Variants in MOSPD3 observed in about 807,000 individuals in gnomAD.
MOSPD3 encodes the protein motile sperm domain containing 3.
Under a neutral mutation model 23.3 loss-of-function variants are expected in MOSPD3, and 20 were observed. The observed-to-expected ratio is 0.86, with a 90% CI of 0.61 to 1.25. The LOEUF (loss-of-function observed/expected upper bound fraction) is 1.25, where lower values mean the gene tolerates loss of function less well. MOSPD3 is among the 50% of genes most tolerant of loss of function. The pLI is 0.00. For missense variants in MOSPD3, 307 were observed against 315.7 expected, an observed-to-expected ratio of 0.97 and a Z score of 0.21; for synonymous variants, 136 against 135.2, an observed-to-expected ratio of 1.01 and a Z score of -0.04.
rs1802966139 is a variant in MOSPD3 at position 100,615,233 on chromosome 7, G to C, written c.*50G>C. On this transcript the variant is annotated 3_prime_UTR_variant, in exon 5 of 5. Transcript: ENST00000393950. ...CCCCACCCTCCCTGGGCAGGGTCTT[G>C]AGGCAGCCACTGTGATGCTCATACC... is the stretch of plus-strand genomic sequence containing the variant. The C allele has an allele frequency of 7.3e-7, 1 of 1,374,080 alleles. No individual in the cohort carries two copies. Among genetic ancestry groups the C allele is most frequent in the Non-Finnish European group, 9.9e-7 (1 of 1,013,548 alleles). The allele number at this position is 1,374,080 out of a possible 1,614,324, so 85.1% of individuals were successfully genotyped here. A position where few individuals can be genotyped will look rare whatever the true frequency, so the allele number is the denominator to read the frequency against.
At chr7:100,612,288 G>T (rs896922021), upstream of MOSPD3, 1 of 152,720 alleles carries the variant, frequency 6.5e-6, no homozygotes, top group Non-Finnish European at 1.5e-5. Context: ...AAGCCCGATG[G>T]GGCCCGTGTC....
In MOSPD3 at chr7:100,612,649, G is replaced by C. The variant is rs1399311820; in HGVS notation, c.-143G>C. The C allele has an allele frequency of 1.2e-5, 7 of 591,574 alleles. No homozygotes were observed. Among genetic ancestry groups the C allele is most frequent in the African/African-American group, 1.9e-5 (1 of 52,012 alleles). The allele number at this position is 591,574 out of a possible 1,614,324, so 36.6% of individuals were successfully genotyped here. ...GGTCTGCGGGAGCCCCATCTAGCGG[G>C]GTTCCAAGGCGGCGGCGGCATCAGT... is the stretch of plus-strand genomic sequence containing the variant. On this transcript the variant is annotated 5_prime_UTR_variant, in exon 1 of 5. Transcript: ENST00000393950.
intron 3 of MOSPD3, among the ~76,000 whole-genome samples, chr7:100,614,342 TGTAATCCCAGCTAGTCG>T (rs1562831845): frequency 3.3e-5 from 5 of 151,856 alleles, no homozygotes; most frequent in Non-Finnish European, 5.9e-5. Flanking sequence ...GGCTCGCACC[TGTAATCCCAGCTAGTCG>T]GGAGGCTAAG....
At position 100,615,032 on chromosome 7, in the gene MOSPD3, G is replaced by A. The variant is rs139246819; in HGVS notation, c.676+1G>A. ...AAGTTGGTGGCCGCCTACGTCTTGG[G>A]TGAGGACAGTAGTGGCCAGGGACCC... On this transcript the variant is annotated splice_donor_variant, in intron 4 of 4. Coordinates refer to ENST00000393950, the MANE Select transcript of MOSPD3 (RefSeq NM_023948.5). LOFTEE classifies it high-confidence loss of function. 2 of 1,614,096 alleles carry A rather than the reference G, an allele frequency of 1.2e-6. No homozygotes were observed. Among genetic ancestry groups the A allele is most frequent in the African/African-American group, 2.7e-5 (2 of 74,936 alleles).
intron 3 of MOSPD3, 50 bp from the exon 4 acceptor site, chr7:100,614,817 G>A (rs1802944772): frequency 6.4e-7 from 1 of 1,569,766 alleles, no homozygotes; most frequent in Non-Finnish European, 8.7e-7. Flanking sequence ...TGGAGGACCT[G>A]GGCTGGGCAG....
chr7:100,613,353 T>C (rs1315124208), intron 2 of MOSPD3, 84 bp downstream of exon 2: 2 of 1,548,780 alleles, frequency 1.3e-6, no homozygotes, highest in African/African-American at 1.4e-5. Context: ...CCTTGCCCCC[T>C]TTAACCTATT....
rs914681129 is a variant in MOSPD3, at chr7:100,613,466, C to G, written c.282-11C>G. On this transcript the variant is annotated splice_polypyrimidine_tract_variant and intron_variant, in intron 2 of 4. Transcript: ENST00000393950. The stretch of plus-strand genomic sequence containing the variant: ...TCACCCCAATGGGCTTCTCTCCTAC[C>G]TTGGGACCAGTGTGATTCGCCATGT... The G allele has an allele frequency of 6.2e-6, 10 of 1,613,566 alleles. No individual in the cohort carries two copies. The highest frequency in any genetic ancestry group is 7.6e-6 in the Non-Finnish European group (9 of 1,179,600).
Position 100,613,654 on chromosome 7 carries a change from C to G in MOSPD3, c.459C>G (p.Arg153=). 1.2e-6 allele frequency: 2 copies of G among 1,613,912 alleles called. No homozygotes were observed. The highest frequency in any genetic ancestry group is 8.5e-7 in the Non-Finnish European group (1 of 1,180,034). ...ELQGQPDPAP[R]PGPPAGTPPP... is the part of the protein sequence containing the mutation. ...AGGGACAGCCAGATCCAGCGCCTCGCCCAGGGCCTCCTGCTGGGACACCAC... is the reference window on the plus strand; with the variant it reads ...AGGGACAGCCAGATCCAGCGCCTCGGCCAGGGCCTCCTGCTGGGACACCAC... Residue 153 remains arginine (R), a synonymous_variant, in exon 3 of 5, where the codon CGC becomes CGG. Coordinates refer to ENST00000393950, the MANE Select transcript of MOSPD3 (RefSeq NM_023948.5).
In MOSPD3 at chr7:100,615,251, C is replaced by G. The variant is rs760852931; in HGVS notation, c.*68C>G. ...GGGTCTTGAGGCAGCCACTGTGATG[C>G]TCATACCTTACCTTGCCTCCTACCC... On this transcript the variant is annotated 3_prime_UTR_variant, in exon 5 of 5. Coordinates refer to ENST00000393950, the MANE Select transcript of MOSPD3 (RefSeq NM_023948.5). 9.0e-6 allele frequency: 13 copies of G among 1,437,204 alleles called. No individual in the cohort carries two copies. Among genetic ancestry groups the G allele is most frequent in the Non-Finnish European group, 1.2e-5 (13 of 1,047,924 alleles). 89.0% of individuals were successfully genotyped at this position (1,437,204 alleles called of 1,614,324 possible).
Position 100,612,696 on chromosome 7 carries a change from C to T in MOSPD3, c.-96C>T, listed in dbSNP as rs1802860580. On this transcript the variant is annotated 5_prime_UTR_variant, in exon 1 of 5. Transcript: ENST00000393950. Reference sequence around the variant, plus strand: ...CAGTCGAGGCCCTGCTCCGGGAGCTCATCTTGTCCCCTTTCGCCCCTCACG... The same window carrying T: ...CAGTCGAGGCCCTGCTCCGGGAGCTTATCTTGTCCCCTTTCGCCCCTCACG... 6.4e-6 allele frequency: 6 copies of T among 943,880 alleles called. No homozygotes were observed. In the East Asian group the frequency reaches 1.3e-4, roughly 21 times the overall value. The allele number at this position is 943,880 out of a possible 1,614,324, so 58.5% of individuals were successfully genotyped here.
chr7:100,612,483 G>T (rs1234016238), upstream of MOSPD3: 4 of 270,314 alleles, frequency 1.5e-5, no homozygotes, highest in Non-Finnish European at 2.8e-5. Flanking sequence ...TCGTGAGCTG[G>T]GCGTGAGGAG....
At chr7:100,615,111 G>A (rs371140189) in intron 4 of MOSPD3, 41 bp from the exon 5 acceptor site, 270 of 1,613,986 alleles carry the variant, frequency 1.7e-4, no homozygotes, top group Non-Finnish European at 2.1e-4. Context: ...GAGCCCCAGG[G>A]CTGCCCATGC....
chr7:100,613,756 C>A, intron 3 of MOSPD3, 50 bp downstream of exon 3: 1 of 1,482,114 alleles, frequency 6.7e-7, no homozygotes, highest in East Asian at 2.3e-5. Context: ...GAGGAACTAG[C>A]ATTTCCCTAG....
rs1463180462 is a variant in MOSPD3, at chr7:100,614,875, C to A, written c.520C>A (p.Gln174Lys). Residue 174 changes from glutamine (Q) to lysine (K), a missense_variant, in exon 4 of 5, where the codon CAG (glutamine) becomes AAG (lysine). By Grantham distance (53) the Gln-to-Lys change is moderately conservative. Transcript: ENST00000393950. The stretch of plus-strand genomic sequence containing the variant: ...TGAGTCTTGTTTCTCAGACCCCCGC[C>A]AGCAACTGGCCACCAGCTCCTTCCT... ...TARHFQEHPR[Q>K]QLATSSFLLF... The A allele has an allele frequency of 6.2e-7, 1 of 1,613,992 alleles. No individual in the cohort carries two copies. The highest frequency in any genetic ancestry group is 1.1e-5 in the South Asian group (1 of 91,078).
intron 1 of MOSPD3, 25 bp from the exon 2 acceptor site, chr7:100,613,169 G>A (rs1279544296): frequency 1.9e-6 from 3 of 1,612,926 alleles, no homozygotes; most frequent in Non-Finnish European, 2.5e-6. Flanking sequence ...GGCAGGGCTT[G>A]TCTGTGTGTG....
rs567030278 is a variant in MOSPD3, at chr7:100,613,246, G to A, written c.258G>A (p.Val86=). The change falls in exon 2 of 5, where the codon GTG becomes GTA. Residue 86 remains valine, a synonymous_variant. Coordinates refer to ENST00000393950, the MANE Select transcript of MOSPD3 (RefSeq NM_023948.5). ...KYTVFDAEGY[V]KPQSCIDIVI... ...CGGTGTTTGACGCAGAGGGATATGT[G>A]AAGCCCCAGTCTTGCATTGACATGT... The A allele has an allele frequency of 2.4e-5, 38 of 1,614,032 alleles. No homozygotes were observed. In the South Asian group the frequency reaches 2.9e-4, roughly 12 times the overall value.
At chr7:100,613,314 C>G (rs544416256) in intron 2 of MOSPD3, 45 bp downstream of exon 2, 1 of 1,578,916 alleles carries the variant, frequency 6.3e-7, no homozygotes, top group Admixed American at 1.7e-5. Context: ...AGCCAGGGGT[C>G]GCTGCCACCT....
At chr7:100,613,126 G>A (rs1238349026) in intron 1 of MOSPD3, 68 bp from the exon 2 acceptor site, 2 of 1,580,558 alleles carry the variant, frequency 1.3e-6, no homozygotes, top group Non-Finnish European at 8.7e-7. Flanking sequence ...AGCCTCCGGG[G>A]CAGAAGGCAG....
intron 3 of MOSPD3, among the ~76,000 whole-genome samples, chr7:100,614,107 TGTG>T (rs1218778519): frequency 2.0e-5 from 3 of 152,046 alleles, no homozygotes; most frequent in Non-Finnish European, 2.9e-5. Flanking sequence ...AGAGAGTTCT[TGTG>T]GTGGTGGGGA....
Sources: gnomAD v4.1 joint callset for allele counts (sites outside exome capture counted in the v4.1 genomes callset) on GRCh38, gnomAD v4.1.1 for gene constraint, MANE v1.5 for transcripts, NCBI Gene and HGNC (gene_info 2026-07-23, HGNC 2026-07-21) for gene names.